Variants in OXSM observed in about 807,000 individuals in gnomAD.
OXSM encodes the protein 3-oxoacyl-[acyl-carrier-protein] synthase, mitochondrial.
OXSM carries 19 observed loss-of-function variants against 29.2 expected under a neutral mutation model. That is an observed-to-expected ratio of 0.65 (90% CI 0.45 to 0.96). The LOEUF is 0.96. Among genes scored for constraint, OXSM ranks in the 40% least tolerant of loss-of-function variants. OXSM has a pLI of 0.00. For synonymous variants in OXSM, 178 were observed against 197.1 expected (o/e 0.90, Z 0.81); for missense variants, 554 against 551.3 (o/e 1.00, Z -0.05).
rs1559568634 is a variant in OXSM, at chr3:25,791,828, A to G, written c.808A>G (p.Lys270Glu). 1.2e-6 allele frequency: 2 copies of G among 1,614,100 alleles called. No homozygotes were observed. ...PKLACRPFHPKRDGFVMGEGA... is the reference protein window; with the variant it reads ...PKLACRPFHPERDGFVMGEGA... ...GTTGGCATGTCGACCATTTCATCCA[A>G]AGAGAGATGGTTTTGTAATGGGAGA... is the stretch of plus-strand genomic sequence containing the variant. The change falls in exon 2 of 3, where the codon AAG (lysine) becomes GAG (glutamate). Residue 270 changes from lysine to glutamate, a missense_variant. Lys to Glu is a moderately conservative substitution (Grantham distance 56). Coordinates refer to ENST00000280701, the MANE Select transcript of OXSM (RefSeq NM_017897.3).
At position 25,791,930 on chromosome 3, in the gene OXSM, G is replaced by A; in HGVS notation, c.910G>A (p.Gly304Ser). 6.2e-7 allele frequency: 1 copy of A among 1,601,874 alleles called. No homozygotes were observed. Among genetic ancestry groups the A allele is most frequent in the Non-Finnish European group, 8.5e-7 (1 of 1,179,902 alleles). ...RRARIYAEVL[G>S]YGLSGDAGHI... ...AGCCCGGATCTATGCAGAAGTTTTG[G>A]GCTATGGACTCTCAGGTGATGCTGG... Residue 304 changes from glycine (G) to serine (S), a missense_variant, in exon 2 of 3, where the codon GGC (glycine) becomes AGC (serine). Coordinates refer to ENST00000280701, the MANE Select transcript of OXSM (RefSeq NM_017897.3).
chr3:25,790,690 C>A, intron 1 of OXSM: 2 of 231,340 alleles, frequency 8.6e-6, no homozygotes, highest in South Asian at 9.3e-5. Context: ...ATGCTTCCTG[C>A]AGCTCAAATC....
In OXSM at chr3:25,790,130, G is replaced by A. The variant is rs1708697473; in HGVS notation, c.-49G>A. 1.9e-6 allele frequency: 1 copy of A among 516,350 alleles called. No individual in the cohort carries two copies. The highest frequency in any genetic ancestry group is 3.1e-5 in the East Asian group (1 of 31,844). 32.0% of individuals were successfully genotyped at this position (516,350 alleles called of 1,614,324 possible). A position where few individuals can be genotyped will look rare whatever the true frequency, so the allele number is the denominator to read the frequency against. On this transcript the variant is annotated 5_prime_UTR_variant, in exon 1 of 3. Transcript: ENST00000280701. ...CGCCCCCGACTGTGGAGAAGTGTCC[G>A]GGGTAGCCCCGTTACAGGTATCGCT...
chr3:25,791,556 T>A lies in OXSM; in HGVS notation c.536T>A (p.Phe179Tyr), dbSNP rs777709229. The change falls in exon 2 of 3, where the codon TTT becomes TAT. Residue 179 changes from phenylalanine to tyrosine, a missense_variant. Coordinates refer to ENST00000280701, the MANE Select transcript of OXSM (RefSeq NM_017897.3). ...GGTTACAATAAAGTTAGCCCATTTT[T>A]TGTCCCTAAGATTCTGGTCAATATG... Reference protein sequence around the residue: ...TKGYNKVSPFFVPKILVNMAA... With the variant: ...TKGYNKVSPFYVPKILVNMAA... The A allele has an allele frequency of 6.2e-7, 1 of 1,614,214 alleles. No homozygotes were observed. Among genetic ancestry groups the A allele is most frequent in the Non-Finnish European group, 8.5e-7 (1 of 1,180,034 alleles).
In OXSM at chr3:25,791,897, C is replaced by A. The variant is rs760886044; in HGVS notation, c.877C>A (p.Gln293Lys). Reference sequence around the variant, plus strand: ...GCTGGAAGAATATGAACATGCTGTTCAAAGAAGAGCCCGGATCTATGCAGA... The same window carrying A: ...GCTGGAAGAATATGAACATGCTGTTAAAAGAAGAGCCCGGATCTATGCAGA... ...LVLEEYEHAV[Q>K]RRARIYAEVL... is the part of the protein sequence containing the mutation. The change falls in exon 2 of 3, where the codon CAA becomes AAA. Residue 293 changes from glutamine to lysine, a missense_variant. Transcript: ENST00000280701. 6.2e-7 allele frequency: 1 copy of A among 1,608,096 alleles called. No homozygotes were observed. Among genetic ancestry groups the A allele is most frequent in the Non-Finnish European group, 8.5e-7 (1 of 1,179,986 alleles).
rs576160451 is a variant in OXSM at position 25,794,502 on chromosome 3, A to G, written c.*8A>G. The G allele has an allele frequency of 1.3e-6, 2 of 1,551,166 alleles. No individual in the cohort carries two copies. The highest frequency in any genetic ancestry group is 2.3e-5 in the East Asian group (1 of 44,406). On this transcript the variant is annotated 3_prime_UTR_variant, in exon 3 of 3. Coordinates refer to ENST00000280701, the MANE Select transcript of OXSM (RefSeq NM_017897.3). ...TGTATTGCTGGACTGTAGAACATAT[A>G]ATTTGTAATTAAATACTGATTTTTA...
Position 25,794,212 on chromosome 3 carries a change from C to CT in OXSM, c.1100dup (p.Lys368GlnfsTer13), listed in dbSNP as rs1366842898. On this transcript the variant is annotated frameshift_variant, in exon 3 of 3. Transcript: ENST00000280701. LOFTEE classifies it high-confidence loss of function. The stretch of plus-strand genomic sequence containing the variant: ...CTGAAAACAAAGCTATCAAACATCT[C>CT]TTCAAAGACCATGCATATGCCCTTG... 2 of 1,614,256 alleles carry CT rather than the reference C, an allele frequency of 1.2e-6. No homozygotes were observed. Among genetic ancestry groups the CT allele is most frequent in the African/African-American group, 2.7e-5 (2 of 75,076 alleles).
rs1559567974 is a variant in OXSM, at chr3:25,791,199, AC to A, written c.181del (p.Leu61TrpfsTer68). On this transcript the variant is annotated frameshift_variant, in exon 2 of 3. Transcript: ENST00000280701. LOFTEE classifies it high-confidence loss of function. ...GLVTPLGVGTHLVWDRLIGGE... is the reference protein window; with the variant it reads ...GLVTPLGVGTXLVWDRLIGGE... ...GTGACTCCTCTTGGTGTTGGAACTC[AC>A]CTGGTTTGGGATCGTCTTATCGGAG... 2 of 1,614,170 alleles carry A rather than the reference AC, an allele frequency of 1.2e-6. No homozygotes were observed. The highest frequency in any genetic ancestry group is 3.3e-5 in the Admixed American group (2 of 60,020).
At chr3:25,793,169 G>A (rs2968175) in intron 2 of OXSM, among the ~76,000 whole-genome samples, 113,801 of 146,964 alleles carry the variant, frequency 0.77, 44,606 homozygotes, top group East Asian at 0.94. Context: ...TTTTTTTTTA[G>A]TAGAGTTGGG....
At chr3:25,792,019 C>G in intron 2 of OXSM, 22 bp downstream of exon 2, 1 of 1,565,764 alleles carries the variant, frequency 6.4e-7, no homozygotes. Context: ...TTATTTCCTT[C>G]GAAATATTTC....
At chr3:25,790,962 C>G (rs905081694) in intron 1 of OXSM, 28 bp from the exon 2 acceptor site, 1 of 1,530,892 alleles carries the variant, frequency 6.5e-7, no homozygotes, top group African/African-American at 1.4e-5. Context: ...AAAAGAATAC[C>G]TCCTAGGTGT....
rs1282010064 is a variant in OXSM, at chr3:25,793,638, A to G, written c.978-454A>G. ...GAAAGATTATTTGAAACAATGAAACAGTAGATTATTGGGAAGTATGCCAAG... is the reference window on the plus strand; with the variant it reads ...GAAAGATTATTTGAAACAATGAAACGGTAGATTATTGGGAAGTATGCCAAG... On this transcript the variant is annotated intron_variant, in intron 2 of 2. Coordinates refer to ENST00000280701, the MANE Select transcript of OXSM (RefSeq NM_017897.3). Among the ~76,000 whole-genome samples the G allele has an allele frequency of 2.6e-5, 4 of 152,248 alleles. No individual in the cohort carries two copies. The South Asian group carries it at 8.3e-4, about 32-fold the overall frequency.
In OXSM at chr3:25,791,270, A is replaced by C. The variant is rs143066680; in HGVS notation, c.250A>C (p.Ile84Leu). The part of the protein sequence containing the change: ...VSLVGEEYKS[I>L]PCSVAAYVPR... ...ACTGGTTGGTGAAGAGTATAAGAGT[A>C]TCCCTTGCAGTGTTGCTGCTTATGT... Residue 84 changes from isoleucine (I) to leucine (L), a missense_variant, in exon 2 of 3, where the codon ATC becomes CTC. By Grantham distance (5) the Ile-to-Leu change is conservative. Transcript: ENST00000280701. 4.2e-5 allele frequency: 67 copies of C among 1,614,226 alleles called. No homozygotes were observed. The highest frequency in any genetic ancestry group is 2.7e-4 in the East Asian group (12 of 44,888).
At position 25,790,101 on chromosome 3, in the gene OXSM, T is replaced by C. The variant is rs552500579; in HGVS notation, c.-78T>C. The C allele has an allele frequency of 9.4e-5, 56 of 593,566 alleles. No individual in the cohort carries two copies. Among genetic ancestry groups the C allele is most frequent in the African/African-American group, 4.1e-4 (22 of 53,736 alleles). 36.8% of individuals were successfully genotyped at this position (593,566 alleles called of 1,614,324 possible). A position where few individuals can be genotyped will look rare whatever the true frequency, so the allele number is the denominator to read the frequency against. ...GCGTGTGCGCGTGCGCTCGAGAGCG[T>C]CATCGCCCCCGACTGTGGAGAAGTG... is the stretch of plus-strand genomic sequence containing the variant. On this transcript the variant is annotated 5_prime_UTR_variant, in exon 1 of 3. Coordinates refer to ENST00000280701, the MANE Select transcript of OXSM (RefSeq NM_017897.3).
chr3:25,793,719 C>T (rs539569518), intron 2 of OXSM, among the ~76,000 whole-genome samples: 28 of 152,274 alleles, frequency 1.8e-4, no homozygotes, highest in Admixed American at 1.5e-3. Context: ...AAAAAATTGC[C>T]ACACTCCAAA....
Position 25,794,374 on chromosome 3 carries a change from T to C in OXSM, c.1260T>C (p.Phe420=). The C allele has an allele frequency of 6.2e-7, 1 of 1,614,228 alleles. No individual in the cohort carries two copies. Among genetic ancestry groups the C allele is most frequent in the Non-Finnish European group, 8.5e-7 (1 of 1,180,028 alleles). Residue 420 remains phenylalanine (F), a synonymous_variant, in exon 3 of 3, where the codon TTT becomes TTC. Coordinates refer to ENST00000280701, the MANE Select transcript of OXSM (RefSeq NM_017897.3). ...ACCTGGATTGTTCGGAACCAGAATT[T>C]GATCTCAACTATGTTCCACTAAAGG... ...TLNLDCSEPE[F]DLNYVPLKAQ... is the part of the protein sequence containing the mutation.
intron 2 of OXSM, 49 bp from the exon 3 acceptor site, chr3:25,794,043 T>A: frequency 2.0e-6 from 3 of 1,513,150 alleles, no homozygotes; most frequent in Non-Finnish European, 2.7e-6. Context: ...AAGAGACTTT[T>A]GTTAAAATTA....
rs1171450216 is a variant in OXSM, at chr3:25,794,109, T to C, written c.995T>C (p.Leu332Ser). Reference protein sequence around the residue: ...EGALRCMAAALKDAGVQPEEI... With the variant: ...EGALRCMAAASKDAGVQPEEI... The stretch of plus-strand genomic sequence containing the variant: ...TTTATTAGGTGTATGGCTGCTGCTT[T>C]AAAAGATGCAGGTGTGCAGCCTGAG... Residue 332 changes from leucine to serine, a missense_variant, in exon 3 of 3, where the codon TTA becomes TCA. Transcript: ENST00000280701. The C allele has an allele frequency of 1.9e-6, 3 of 1,612,206 alleles. No homozygotes were observed. The highest frequency in any genetic ancestry group is 1.7e-6 in the Non-Finnish European group (2 of 1,179,290).
chr3:25,792,716 C>A (rs1232048328), intron 2 of OXSM, among the ~76,000 whole-genome samples: 2 of 152,000 alleles, frequency 1.3e-5, no homozygotes, highest in Non-Finnish European at 1.5e-5. Context: ...GTAGTTCTAA[C>A]AGGTGATGGT....
Sources: gnomAD v4.1 joint callset for allele counts (sites outside exome capture counted in the v4.1 genomes callset) on GRCh38, gnomAD v4.1.1 for gene constraint, MANE v1.5 for transcripts, NCBI Gene and HGNC (gene_info 2026-07-23, HGNC 2026-07-21) for gene names.